The following ARID2 variants were observed in gnomAD, a reference collection of about 807,000 sequenced individuals.
ARID2 encodes AT-rich interaction domain 2.
Under a neutral mutation model 184.6 loss-of-function variants are expected in ARID2, and 32 were observed. That is an observed-to-expected ratio of 0.17 (90% CI 0.13 to 0.23). The LOEUF (loss-of-function observed/expected upper bound fraction) is 0.23, where lower values mean the gene tolerates loss of function less well. Among genes scored for constraint, ARID2 ranks in the 10% least tolerant of loss-of-function variants. The pLI is 1.00. For synonymous variants in ARID2, 836 were observed against 772.6 expected, an observed-to-expected ratio of 1.08 and a Z score of -1.36; for missense variants, 1,696 against 2,197.6, an observed-to-expected ratio of 0.77 and a Z score of 4.56.
chr12:45,777,021 G>A (rs531485847), intron 3 of ARID2, among the ~76,000 whole-genome samples: 30 of 151,298 alleles, frequency 2.0e-4, no homozygotes, highest in African/African-American at 6.5e-4. Context: ...CAAACTCCTG[G>A]CCTCAAGTGA....
intron 16 of ARID2, among the ~76,000 whole-genome samples, chr12:45,864,055 C>T (rs1050306988): frequency 6.6e-6 from 1 of 151,904 alleles, no homozygotes; most frequent in Non-Finnish European, 1.5e-5. Context: ...CAGGGTTTTG[C>T]CATGTTGCCA....
intron 3 of ARID2, among the ~76,000 whole-genome samples, chr12:45,741,148 C>G (rs1941246231): frequency 2.0e-5 from 3 of 152,110 alleles, no homozygotes; most frequent in Admixed American, 2.0e-4. Context: ...TAATATGATA[C>G]AAGCATTTTA....
intron 16 of ARID2, among the ~76,000 whole-genome samples, chr12:45,862,482 GT>G (rs925848545): frequency 1.3e-5 from 2 of 151,756 alleles, no homozygotes; most frequent in Non-Finnish European, 2.9e-5. Flanking sequence ...TGAGATTTTT[GT>G]TTTTTTCATG....
At chr12:45,817,128 G>A (rs561907107) in intron 4 of ARID2, among the ~76,000 whole-genome samples, 8 of 152,278 alleles carry the variant, frequency 5.3e-5, no homozygotes, top group Middle Eastern at 3.4e-3. Flanking sequence ...GGCCGCAGCC[G>A]GAGAATTGCA....
In ARID2 at chr12:45,851,927, C is replaced by T. The variant is rs1943558509; in HGVS notation, c.3804C>T (p.Asn1268=). ...VHERKIEVME[N]PSCRRGATNT... is the part of the protein sequence containing the mutation. ...AACGTAAAATTGAAGTCATGGAGAA[C>T]CCGTCCTGCCGACGAGGAGCCACAA... Residue 1268 remains asparagine, a synonymous_variant, in exon 15 of 21, where the codon AAC becomes AAT. Coordinates refer to ENST00000334344, the MANE Select transcript of ARID2 (RefSeq NM_152641.4). The T allele has an allele frequency of 1.2e-6, 2 of 1,614,180 alleles. No homozygotes were observed. The highest frequency in any genetic ancestry group is 1.7e-6 in the Non-Finnish European group (2 of 1,180,030).
chr12:45,736,455 A>G (rs1394101341), intron 3 of ARID2, among the ~76,000 whole-genome samples: 1 of 152,222 alleles, frequency 6.6e-6, no homozygotes, highest in East Asian at 1.9e-4. Context: ...TTTTAACTGC[A>G]TTTCATTAGT....
intron 3 of ARID2, among the ~76,000 whole-genome samples, chr12:45,746,888 T>G (rs987011537): frequency 2.0e-5 from 3 of 152,112 alleles, no homozygotes; most frequent in Non-Finnish European, 2.9e-5. Context: ...TGCCTCAGCC[T>G]CCCGAGTAGC....
intron 16 of ARID2, among the ~76,000 whole-genome samples, chr12:45,876,581 A>T (rs1261263150): frequency 6.6e-6 from 1 of 151,886 alleles, no homozygotes; most frequent in Non-Finnish European, 1.5e-5. Context: ...AAAAAAAAAA[A>T]AGACACAGAA....
intron 15 of ARID2, among the ~76,000 whole-genome samples, chr12:45,858,275 T>C (rs1340414004): frequency 1.3e-5 from 2 of 152,108 alleles, no homozygotes; most frequent in East Asian, 1.9e-4. Flanking sequence ...GTGGGAAGAT[T>C]GCATGAGCCC....
In ARID2 at chr12:45,906,586, A is replaced by G. The variant is rs1944533313; in HGVS notation, c.*1508A>G. ...AGTATGCTTAAGACATCTTAAAAAT[A>G]TAGAGAGAATTCTAAATTCAGCTGA... On this transcript the variant is annotated 3_prime_UTR_variant, in exon 21 of 21. Coordinates refer to ENST00000334344, the MANE Select transcript of ARID2 (RefSeq NM_152641.4). The G allele has an allele frequency of 4.3e-6, 1 of 232,644 alleles. No individual in the cohort carries two copies. The highest frequency in any genetic ancestry group is 2.2e-5 in the African/African-American group (1 of 45,314). The allele number at this position is 232,644 out of a possible 1,614,324, so 14.4% of individuals were successfully genotyped here.
intron 3 of ARID2, among the ~76,000 whole-genome samples, chr12:45,788,297 T>C (rs1044299216): frequency 1.3e-5 from 2 of 152,176 alleles, no homozygotes; most frequent in African/African-American, 4.8e-5. Flanking sequence ...CAGTCTTCTT[T>C]ACAACAAACC....
Position 45,764,499 on chromosome 12 carries a change from T to TTCTGTCCC in ARID2, c.284+33187_284+33194dup, listed in dbSNP as rs565751404. Among the ~76,000 whole-genome samples, 95 of 152,358 alleles carry TTCTGTCCC rather than the reference T, an allele frequency of 6.2e-4. No individual in the cohort carries two copies. In the East Asian group the frequency reaches 8.9e-3, roughly 14 times the overall value. On this transcript the variant is annotated intron_variant, in intron 3 of 20. Transcript: ENST00000334344. Reference sequence around the variant, plus strand: ...AACAGTTGTGTTACCCCTCACATTCTTCTGTCCCTTGTAGTCAGTCCAGCT... The same window carrying TTCTGTCCC: ...AACAGTTGTGTTACCCCTCACATTCTTCTGTCCCTCTGTCCCTTGTAGTCAGTCCAGCT...
intron 11 of ARID2, 58 bp from the exon 12 acceptor site, chr12:45,846,798 A>G: frequency 6.5e-7 from 1 of 1,531,444 alleles, no homozygotes; most frequent in East Asian, 2.3e-5. Flanking sequence ...AAAAAAAAGT[A>G]TGGCAAATAG....
At chr12:45,778,252 C>T (rs529038744) in intron 3 of ARID2, among the ~76,000 whole-genome samples, 2 of 151,952 alleles carry the variant, frequency 1.3e-5, no homozygotes, top group East Asian at 1.9e-4. Context: ...GTTCCCCCCC[C>T]AACCCGCAAG....
At chr12:45,864,369 G>C (rs887661132) in intron 16 of ARID2, among the ~76,000 whole-genome samples, 1 of 151,994 alleles carries the variant, frequency 6.6e-6, no homozygotes, top group African/African-American at 2.4e-5. Flanking sequence ...TATCCTGTCA[G>C]TGTTTACATT....
At chr12:45,740,002 C>A (rs923062243) in intron 3 of ARID2, among the ~76,000 whole-genome samples, 1 of 152,184 alleles carries the variant, frequency 6.6e-6, no homozygotes, top group African/African-American at 2.4e-5. Flanking sequence ...GATCAGACCA[C>A]ATAGAACTTC....
rs1431764720 is a variant in ARID2 at position 45,850,590 on chromosome 12, A to C, written c.2467A>C (p.Thr823Pro). The change falls in exon 15 of 21, where the codon ACC becomes CCC. Residue 823 changes from threonine (T) to proline (P), a missense_variant. Thr to Pro is a conservative substitution (Grantham distance 38). This residue lies in a region of ARID2 where 713 missense variants were observed against 824.4 expected (regional missense o/e 0.86). Transcript: ENST00000334344. ...AGTTTCACAGGGTCAACAGTTAATCACCACATCACCCCAACCTGTGCAAAC... is the reference window on the plus strand; with the variant it reads ...AGTTTCACAGGGTCAACAGTTAATCCCCACATCACCCCAACCTGTGCAAAC... Reference protein sequence around the residue: ...STVSQGQQLITTSPQPVQTSS... With the variant: ...STVSQGQQLIPTSPQPVQTSS... 1 of 1,613,968 alleles carries C rather than the reference A, an allele frequency of 6.2e-7. No homozygotes were observed. Among genetic ancestry groups the C allele is most frequent in the Non-Finnish European group, 8.5e-7 (1 of 1,180,000 alleles).
intron 3 of ARID2, among the ~76,000 whole-genome samples, chr12:45,794,613 C>T (rs1942354628): frequency 6.6e-6 from 1 of 152,138 alleles, no homozygotes; most frequent in South Asian, 2.1e-4. Flanking sequence ...GGGCTAATTG[C>T]AGCACCAGGG....
At chr12:45,877,219 G>C (rs192989248) in intron 16 of ARID2, among the ~76,000 whole-genome samples, 280 of 152,256 alleles carry the variant, frequency 1.8e-3, no homozygotes, top group Non-Finnish European at 3.0e-3. Flanking sequence ...CACAGCAGGA[G>C]GTGAGTGCCA....
Sources: allele counts gnomAD v4.1 joint callset (sites outside exome capture counted in the v4.1 genomes callset), GRCh38; gene constraint gnomAD v4.1.1; regional missense constraint gnomAD v4.1.1; transcripts MANE v1.5; gene names NCBI Gene and HGNC (gene_info 2026-07-23, HGNC 2026-07-21).